The following RNF220 variants were observed in gnomAD, a reference collection of about 807,000 sequenced individuals.
RNF220 encodes E3 ubiquitin-protein ligase RNF220.
A neutral mutation model predicts 67.1 loss-of-function variants in RNF220; 7 were observed. That is an observed-to-expected ratio of 0.10 (90% CI 0.06 to 0.20). The LOEUF (loss-of-function observed/expected upper bound fraction) is 0.20. Among genes scored for constraint, RNF220 ranks in the 10% least tolerant of loss-of-function variants. The pLI, the probability that RNF220 is intolerant of heterozygous loss-of-function variation, is 1.00. For missense variants in RNF220, 565 were observed against 740.3 expected, an observed-to-expected ratio of 0.76 and a Z score of 2.75; for synonymous variants, 270 against 283.2, an observed-to-expected ratio of 0.95 and a Z score of 0.47.
intron 2 of RNF220, among the ~76,000 whole-genome samples, chr1:44,554,740 G>A (rs1240127870): frequency 6.6e-6 from 1 of 152,096 alleles, no homozygotes; most frequent in Non-Finnish European, 1.5e-5. Context: ...CTGAGTTCCA[G>A]CTGGAATTTC....
At chr1:44,510,268 A>C (rs1229935540) in intron 2 of RNF220, among the ~76,000 whole-genome samples, 2 of 126,684 alleles carry the variant, frequency 1.6e-5, no homozygotes, top group Non-Finnish European at 3.3e-5. Context: ...GAGAGAGAGG[A>C]GGGAGGGAGG....
intron 2 of RNF220, among the ~76,000 whole-genome samples, chr1:44,465,393 T>C (rs2147974334): frequency 6.6e-6 from 1 of 150,408 alleles, no homozygotes; most frequent in African/African-American, 2.4e-5. Flanking sequence ...TTATATTAAA[T>C]ATATAAAAAA....
chr1:44,420,055 T>C (rs940141337), intron 2 of RNF220, among the ~76,000 whole-genome samples: 2 of 152,130 alleles, frequency 1.3e-5, no homozygotes, highest in African/African-American at 2.4e-5. Context: ...AACAGTCAAG[T>C]GATGTGGAGG....
chr1:44,540,719 G>A (rs17386301), intron 2 of RNF220, among the ~76,000 whole-genome samples: 33,277 of 151,928 alleles, frequency 0.22, 4,720 homozygotes, highest in Non-Finnish European at 0.32. Flanking sequence ...GAACCAAAAT[G>A]CATTTTAATG....
intron 2 of RNF220, among the ~76,000 whole-genome samples, chr1:44,437,279 C>A (rs1449699317): frequency 6.6e-6 from 1 of 152,150 alleles, no homozygotes; most frequent in East Asian, 1.9e-4. Context: ...AGTTTCTGAG[C>A]CAAGCCGCTA....
intron 2 of RNF220, among the ~76,000 whole-genome samples, chr1:44,494,415 AT>A (rs1404295959): frequency 6.6e-6 from 1 of 152,180 alleles, no homozygotes; most frequent in East Asian, 1.9e-4. Flanking sequence ...CATTTGCAGC[AT>A]TGTTTGAAAC....
At chr1:44,463,075 G>A (rs1304062151) in intron 2 of RNF220, among the ~76,000 whole-genome samples, 3 of 152,124 alleles carry the variant, frequency 2.0e-5, no homozygotes, top group African/African-American at 7.2e-5. Flanking sequence ...AGTGGCTCAC[G>A]CCTGTAATCC....
At position 44,471,650 on chromosome 1, in the gene RNF220, C is replaced by G. The variant is rs945290510; in HGVS notation, c.625+58928C>G. Among the ~76,000 whole-genome samples the G allele has an allele frequency of 5.3e-5, 8 of 152,138 alleles. No homozygotes were observed. In the South Asian group the frequency reaches 8.3e-4, roughly 16 times the overall value. ...ACCAGCCTGGCTAACATGATGAAACCCTGTTTCTACTAAAAATACAAAAAA... is the reference window on the plus strand; with the variant it reads ...ACCAGCCTGGCTAACATGATGAAACGCTGTTTCTACTAAAAATACAAAAAA... On this transcript the variant is annotated intron_variant, in intron 2 of 14. Transcript: ENST00000361799.
In RNF220 at chr1:44,622,479, C is replaced by G. The variant is rs1455860162; in HGVS notation, c.759-263C>G. ...CAGGTAAAGCCCCTTTCTTCAGATC[C>G]ACTGGGAAATCTACCATGCCTAGTG... On this transcript the variant is annotated intron_variant, in intron 3 of 14. Transcript: ENST00000361799. The surrounding 1 kb of genome is among the most constrained non-coding windows in gnomAD (Gnocchi z 4.3). Among the ~76,000 whole-genome samples, 1 of 152,180 alleles carries G rather than the reference C, an allele frequency of 6.6e-6. No individual in the cohort carries two copies. Among genetic ancestry groups the G allele is most frequent in the Non-Finnish European group, 1.5e-5 (1 of 68,030 alleles).
chr1:44,552,905 C>T (rs1161981969), intron 2 of RNF220, among the ~76,000 whole-genome samples: 1 of 152,174 alleles, frequency 6.6e-6, no homozygotes, highest in Non-Finnish European at 1.5e-5. Flanking sequence ...GACCACATGT[C>T]ATCTGATCTC....
At chr1:44,493,866 T>G (rs1657077957) in intron 2 of RNF220, among the ~76,000 whole-genome samples, 1 of 152,034 alleles carries the variant, frequency 6.6e-6, no homozygotes, top group South Asian at 2.1e-4. Flanking sequence ...CATATGGGTC[T>G]CTGTATGGCA....
At chr1:44,448,533 A>G (rs1652337822) in intron 2 of RNF220, among the ~76,000 whole-genome samples, 1 of 152,242 alleles carries the variant, frequency 6.6e-6, no homozygotes, top group Admixed American at 6.5e-5. Context: ...ATTAACCTTG[A>G]TGACACTGAT....
At chr1:44,541,246 G>A (rs905365136) in intron 2 of RNF220, among the ~76,000 whole-genome samples, 1 of 152,082 alleles carries the variant, frequency 6.6e-6, no homozygotes, top group African/African-American at 2.4e-5. Flanking sequence ...TGGCCAACAT[G>A]GCAAAACTTC....
intron 2 of RNF220, among the ~76,000 whole-genome samples, chr1:44,447,382 C>A (rs1197089019): frequency 6.6e-6 from 1 of 152,214 alleles, no homozygotes; most frequent in Non-Finnish European, 1.5e-5. Flanking sequence ...ATAGTACCTA[C>A]CCCCTAAATA....
Position 44,412,039 on chromosome 1 carries a change from G to A in RNF220, c.-59G>A. 1 of 1,551,738 alleles carries A rather than the reference G, an allele frequency of 6.4e-7. No homozygotes were observed. Reference sequence around the variant, plus strand: ...CCTGCCCTGACCCAAAGTGCTGGTTGGCCTCCCTCCCAGGGAAGACTGCTT... The same window carrying A: ...CCTGCCCTGACCCAAAGTGCTGGTTAGCCTCCCTCCCAGGGAAGACTGCTT... On this transcript the variant is annotated 5_prime_UTR_variant, in exon 2 of 15. It introduces an in-frame stop codon into an upstream open reading frame of the 5' UTR. Transcript: ENST00000361799. The surrounding 1 kb of genome is among the most constrained non-coding windows in gnomAD (Gnocchi z 5.3).
chr1:44,411,776 C>T (rs144088465), intron 1 of RNF220, among the ~76,000 whole-genome samples: 9 of 152,050 alleles, frequency 5.9e-5, no homozygotes, highest in East Asian at 5.8e-4. Flanking sequence ...AAGTCAGCTA[C>T]GCGTACATCA....
chr1:44,645,570 C>T lies in RNF220; in HGVS notation c.1445+82C>T. 7.0e-7 allele frequency: 1 copy of T among 1,426,416 alleles called. No individual in the cohort carries two copies. Among genetic ancestry groups the T allele is most frequent in the South Asian group, 1.2e-5 (1 of 82,712 alleles). 88.4% of individuals were successfully genotyped at this position (1,426,416 alleles called of 1,614,324 possible). On this transcript the variant is annotated intron_variant, in intron 12 of 14. Transcript: ENST00000361799. This position sits in a 1 kb window ranked among gnomAD's most constrained non-coding sequence, Gnocchi z 5.0. ...CTTTGCTAGCAGGAAGGCCTGCTGC[C>T]AGGGCTTCTGGCCCTCCCAAGTGCA...
intron 3 of RNF220, among the ~76,000 whole-genome samples, chr1:44,615,473 G>A (rs1050956508): frequency 2.0e-5 from 3 of 152,134 alleles, no homozygotes; most frequent in African/African-American, 4.8e-5. Context: ...GGTCTGCCCC[G>A]CTCCTCCCAG....
rs1444457768 is a variant in RNF220, at chr1:44,417,460, T to G, written c.625+4738T>G. On this transcript the variant is annotated intron_variant, in intron 2 of 14. Transcript: ENST00000361799. This position sits in a 1 kb window ranked among gnomAD's most constrained non-coding sequence, Gnocchi z 4.0. ...CAGAGCCATCTGGCCTGGCTTGGCT[T>G]GGCTCGGCGCGCCGCTCGCCTGGCG... Among the ~76,000 whole-genome samples the G allele has an allele frequency of 6.6e-6, 1 of 152,182 alleles. No homozygotes were observed. The highest frequency in any genetic ancestry group is 2.1e-4 in the South Asian group (1 of 4,828).
Sources: gnomAD v4.1 joint callset for allele counts (sites outside exome capture counted in the v4.1 genomes callset) on GRCh38, gnomAD v4.1.1 for gene constraint, Gnocchi (gnomAD v3.1) non-coding constraint, MANE v1.5 for transcripts, NCBI Gene and HGNC (gene_info 2026-07-23, HGNC 2026-07-21) for gene names.